RAD51B: variants seen among roughly 807,000 people sequenced by gnomAD.
The protein encoded by RAD51B is RAD51 paralog B, also known as DNA repair protein RAD51 homolog 2.
In RAD51B, 38 loss-of-function variants were observed where a neutral mutation model predicts 42.2. That is an observed-to-expected ratio of 0.90 (90% confidence interval 0.70 to 1.18). The LOEUF is 1.18. Ranked by LOEUF, RAD51B falls within the 50% of genes most tolerant of loss-of-function variation. The pLI, the probability that RAD51B is intolerant of heterozygous loss-of-function variation, is 0.00. For missense variants in RAD51B, 373 were observed against 400.7 expected (o/e 0.93, Z 0.59); for synonymous variants, 154 against 145.2 (o/e 1.06, Z -0.43).
chr14:68,315,817 C>T (rs2082050119), intron 8 of RAD51B, among the ~76,000 whole-genome samples: 1 of 152,198 alleles, frequency 6.6e-6, no homozygotes, highest in Non-Finnish European at 1.5e-5. Flanking sequence ...CCACTGCACC[C>T]AGCCCCTAAA....
intron 7 of RAD51B, among the ~76,000 whole-genome samples, chr14:68,102,195 C>T (rs1334215547): frequency 2.0e-5 from 3 of 152,162 alleles, no homozygotes; most frequent in Admixed American, 2.0e-4. Context: ...GGCCTCTGGG[C>T]CTGTGATGGG....
chr14:67,865,260 T>C, intron 5 of RAD51B, 121 bp downstream of exon 5: 1 of 976,464 alleles, frequency 1.0e-6, no homozygotes, highest in Middle Eastern at 3.6e-4. Flanking sequence ...TTTTTTGAGA[T>C]GGAGTCTTGC....
intron 7 of RAD51B, among the ~76,000 whole-genome samples, chr14:68,272,663 A>ATTTTTTTTTTTTTTTTTTTTTTTTTTTT (rs2081138650): frequency 5.8e-5 from 1 of 17,118 alleles, no homozygotes; most frequent in Non-Finnish European, 1.0e-4. Flanking sequence ...ATATATATAT[A>ATTTTTTTTTTTTTTTTTTTTTTTTTTTT]TATTTTTTTT....
chr14:68,023,309 C>T (rs1348904291), intron 7 of RAD51B, among the ~76,000 whole-genome samples: 1 of 152,112 alleles, frequency 6.6e-6, no homozygotes, highest in Non-Finnish European at 1.5e-5. Flanking sequence ...CCACAATCCA[C>T]AATCTCATGA....
intron 8 of RAD51B, among the ~76,000 whole-genome samples, chr14:68,382,724 T>C (rs899890760): frequency 1.3e-5 from 2 of 152,176 alleles, no homozygotes; most frequent in African/African-American, 4.8e-5. Context: ...ATTTCACTGA[T>C]TGGACCAGCA....
At chr14:68,268,281 A>G (rs1422157818) in intron 7 of RAD51B, among the ~76,000 whole-genome samples, 1 of 152,186 alleles carries the variant, frequency 6.6e-6, no homozygotes, top group Non-Finnish European at 1.5e-5. Context: ...TCATGCAGCC[A>G]TTTGCCTCTG....
intron 10 of RAD51B, among the ~76,000 whole-genome samples, chr14:68,633,637 A>T (rs955049770): frequency 2.6e-5 from 4 of 152,160 alleles, no homozygotes; most frequent in Admixed American, 2.6e-4. Context: ...GTTTTTCTCC[A>T]AATGTTTAGA....
intron 7 of RAD51B, among the ~76,000 whole-genome samples, chr14:68,265,012 G>A (rs1389730821): frequency 6.6e-6 from 1 of 152,180 alleles, no homozygotes; most frequent in Non-Finnish European, 1.5e-5. Flanking sequence ...AGTGGCTTAG[G>A]TAGAATACTG....
At position 68,325,748 on chromosome 14, in the gene RAD51B, T is replaced by C. The variant is rs563509434; in HGVS notation, c.853+33768T>C. Among the ~76,000 whole-genome samples the C allele has an allele frequency of 1.1e-3, 174 of 152,234 alleles. 1 individual carries two copies. Among genetic ancestry groups the C allele is most frequent in the African/African-American group, 4.0e-3 (166 of 41,542 alleles). ...AATACCACACCAAGGGAGACATCGA[T>C]GATGTTCTATTAAGAACAGTGAAAG... On this transcript the variant is annotated intron_variant, in intron 8 of 10. Transcript: ENST00000471583.
chr14:67,863,346 A>G (rs1405267918), intron 4 of RAD51B, among the ~76,000 whole-genome samples: 1 of 152,072 alleles, frequency 6.6e-6, no homozygotes, highest in Non-Finnish European at 1.5e-5. Flanking sequence ...TGGTTCTCAA[A>G]GTATATAATA....
chr14:68,544,904 CA>C (rs953542771), intron 10 of RAD51B, among the ~76,000 whole-genome samples: 6 of 152,154 alleles, frequency 3.9e-5, no homozygotes, highest in African/African-American at 1.2e-4. Flanking sequence ...ATGCATTTGC[CA>C]AAAACCAACA....
At chr14:68,063,936 C>CT (rs1322679755) in intron 7 of RAD51B, among the ~76,000 whole-genome samples, 2 of 152,058 alleles carry the variant, frequency 1.3e-5, no homozygotes, top group African/African-American at 4.8e-5. Context: ...TTTATATGTC[C>CT]TTTTTGTCTT....
intron 7 of RAD51B, among the ~76,000 whole-genome samples, chr14:68,095,764 A>AGGAGAT (rs1424547196): frequency 2.0e-4 from 30 of 152,144 alleles, no homozygotes; most frequent in African/African-American, 7.0e-4. Context: ...TCACGAGGTC[A>AGGAGAT]GGAGATGGAG....
chr14:68,275,183 G>A (rs1209097204), intron 7 of RAD51B, among the ~76,000 whole-genome samples: 1 of 152,150 alleles, frequency 6.6e-6, no homozygotes, highest in East Asian at 1.9e-4. Flanking sequence ...TGATTATTAT[G>A]CAGTTTAACT....
chr14:68,169,714 T>A (rs979826045), intron 7 of RAD51B, among the ~76,000 whole-genome samples: 2 of 152,118 alleles, frequency 1.3e-5, no homozygotes, highest in African/African-American at 4.8e-5. Context: ...AAGGGTGGGT[T>A]CTTGCAAGGT....
chr14:68,428,707 TTATATATATATA>T lies in RAD51B; in HGVS notation c.957+17227_957+17238del, dbSNP rs532906803. ...CATGTTGCATATGGCAGGATTTTCT[TTATATATATATA>T]TATATATATATATATATATATATAT... is the stretch of plus-strand genomic sequence containing the variant. On this transcript the variant is annotated intron_variant, in intron 9 of 10. Transcript: ENST00000471583. Among the ~76,000 whole-genome samples the T allele has an allele frequency of 1.1e-3, 105 of 99,534 alleles. 1 individual carries two copies. The highest frequency in any genetic ancestry group is 2.5e-3 in the African/African-American group (53 of 20,904). The allele number at this position is 99,534 out of a possible 152,430, so 65.3% of individuals were successfully genotyped here.
At chr14:68,330,089 A>G (rs1255723112) in intron 8 of RAD51B, among the ~76,000 whole-genome samples, 1 of 152,208 alleles carries the variant, frequency 6.6e-6, no homozygotes, top group African/African-American at 2.4e-5. Context: ...CTACGTTAAC[A>G]AGAGCCTGGC....
At chr14:68,398,952 T>C (rs2084005657) in intron 8 of RAD51B, among the ~76,000 whole-genome samples, 1 of 152,224 alleles carries the variant, frequency 6.6e-6, no homozygotes, top group African/African-American at 2.4e-5. Context: ...TTTGAAAATA[T>C]GGACTCTTGG....
At chr14:68,612,857 G>A (rs1891726666), downstream of RAD51B, among the ~76,000 whole-genome samples, 1 of 151,484 alleles carries the variant, frequency 6.6e-6, no homozygotes, top group Admixed American at 6.6e-5. Flanking sequence ...GAGAGGGGAA[G>A]GGAGGAAGGG....
Sources: gnomAD v4.1 joint callset for allele counts (sites outside exome capture counted in the v4.1 genomes callset) on GRCh38, gnomAD v4.1.1 for gene constraint, MANE v1.5 for transcripts, NCBI Gene and HGNC (gene_info 2026-07-23, HGNC 2026-07-21) for gene names.